The following SPIRE1 variants were observed in gnomAD, a reference collection of about 807,000 sequenced individuals.
The protein encoded by SPIRE1 is protein spire homolog 1.
A neutral mutation model predicts 94.1 loss-of-function variants in SPIRE1; 40 were observed. The ratio of observed to expected loss-of-function variants is 0.43; its 90% CI spans 0.33 to 0.55. SPIRE1 has a LOEUF of 0.55. SPIRE1 is among the 20% of genes least tolerant of loss of function. SPIRE1 has a pLI of 0.06. For missense variants in SPIRE1, 838 were observed against 975.2 expected (o/e 0.86, Z 1.87); for synonymous variants, 376 against 371.7 (o/e 1.01, Z -0.13).
chr18:12,561,232 T>C (rs139166049), intron 2 of SPIRE1, among the ~76,000 whole-genome samples: 226 of 152,280 alleles, frequency 1.5e-3, no homozygotes, highest in African/African-American at 5.2e-3. Flanking sequence ...ATTTAGGTTC[T>C]TCTTTTTAAA....
intron 1 of SPIRE1, among the ~76,000 whole-genome samples, chr18:12,648,474 T>C (rs982158893): frequency 2.0e-5 from 3 of 151,946 alleles, no homozygotes; most frequent in Non-Finnish European, 2.9e-5. Flanking sequence ...TTTTACAAAA[T>C]AGCTGACCAG....
chr18:12,529,593 C>G (rs1036146981), intron 4 of SPIRE1, among the ~76,000 whole-genome samples: 1 of 152,160 alleles, frequency 6.6e-6, no homozygotes. Flanking sequence ...ATCAGATAAT[C>G]AGAAATGACA....
chr18:12,461,562 T>TGGTATGTACGTACATAC (rs1568184229), intron 12 of SPIRE1, among the ~76,000 whole-genome samples: 2 of 136,820 alleles, frequency 1.5e-5, no homozygotes, highest in African/African-American at 6.1e-5. Context: ...TACATGCGTG[T>TGGTATGTACGTACATAC]ATATGTATGT....
intron 2 of SPIRE1, among the ~76,000 whole-genome samples, chr18:12,634,263 A>T (rs1401296716): frequency 3.9e-5 from 3 of 76,684 alleles, no homozygotes; most frequent in Non-Finnish European, 6.5e-5. Context: ...AAAAATAAAA[A>T]AAAAAAAAAA....
chr18:12,548,567 TAC>T (rs936512132), intron 2 of SPIRE1, among the ~76,000 whole-genome samples: 2 of 152,088 alleles, frequency 1.3e-5, no homozygotes, highest in African/African-American at 4.8e-5. Flanking sequence ...TCACTGGATT[TAC>T]AGTCTGACCT....
At chr18:12,524,992 A>AT (rs2034464310) in intron 4 of SPIRE1, among the ~76,000 whole-genome samples, 1 of 151,096 alleles carries the variant, frequency 6.6e-6, no homozygotes, top group Non-Finnish European at 1.5e-5. Context: ...AAAAAAAAAA[A>AT]GTGGCCAGGC....
intron 2 of SPIRE1, among the ~76,000 whole-genome samples, chr18:12,625,061 G>C (rs2037582517): frequency 6.6e-6 from 1 of 151,806 alleles, no homozygotes; most frequent in East Asian, 1.9e-4. Context: ...ACTGGGCGGG[G>C]GTGGGGGAAG....
chr18:12,586,154 A>AT (rs2036386071), intron 2 of SPIRE1, among the ~76,000 whole-genome samples: 1 of 152,076 alleles, frequency 6.6e-6, no homozygotes, highest in East Asian at 1.9e-4. Context: ...GGGTCTCATT[A>AT]TGTTGCCCAG....
rs993774593 is a variant in SPIRE1, at chr18:12,447,033, T to C, written c.*2605A>G. On this transcript the variant is annotated 3_prime_UTR_variant, in exon 17 of 17. Coordinates refer to ENST00000409402, the MANE Select transcript of SPIRE1 (RefSeq NM_001128626.2). The stretch of plus-strand genomic sequence containing the variant: ...AATGCCTTTCAAATATTAATAAATA[T>C]ATTACAGTATTTACAAGCATTCTTA... The C allele has an allele frequency of 6.6e-6, 1 of 152,246 alleles. No homozygotes were observed. Among genetic ancestry groups the C allele is most frequent in the Admixed American group, 6.5e-5 (1 of 15,276 alleles). The allele number at this position is 152,246 out of a possible 1,614,324, so 9.4% of individuals were successfully genotyped here. A position where few individuals can be genotyped will look rare whatever the true frequency, so the allele number is the denominator to read the frequency against.
At chr18:12,548,779 A>AT (rs923879584) in intron 2 of SPIRE1, among the ~76,000 whole-genome samples, 1 of 151,414 alleles carries the variant, frequency 6.6e-6, no homozygotes. Flanking sequence ...GGCCTGGCTA[A>AT]TTTTTTTTGG....
At chr18:12,497,867 G>A (rs1054855535) in intron 6 of SPIRE1, among the ~76,000 whole-genome samples, 2 of 152,198 alleles carry the variant, frequency 1.3e-5, no homozygotes, top group Non-Finnish European at 2.9e-5. Flanking sequence ...GAGCAGGAAT[G>A]AGAATGGATT....
intron 1 of SPIRE1, among the ~76,000 whole-genome samples, chr18:12,654,629 T>C (rs35744165): frequency 0.074 from 11,292 of 151,860 alleles, 592 homozygotes; most frequent in Non-Finnish European, 0.11. Flanking sequence ...CACTCCAGCC[T>C]GGGCGACTGA....
intron 1 of SPIRE1, among the ~76,000 whole-genome samples, chr18:12,644,021 CT>C (rs1396697340): frequency 1.8e-5 from 2 of 110,146 alleles, no homozygotes; most frequent in African/African-American, 3.4e-5. Context: ...TGGTGAAACC[CT>C]GTCTCAACCA....
intron 2 of SPIRE1, among the ~76,000 whole-genome samples, chr18:12,589,490 A>G (rs765114605): frequency 2.0e-5 from 3 of 152,214 alleles, no homozygotes; most frequent in Non-Finnish European, 2.9e-5. Flanking sequence ...ACACACAAGT[A>G]TCATCAACAG....
intron 2 of SPIRE1, among the ~76,000 whole-genome samples, chr18:12,594,041 T>C (rs2036606635): frequency 6.6e-6 from 1 of 151,930 alleles, no homozygotes; most frequent in Admixed American, 6.6e-5. Flanking sequence ...ATGCTGCCTA[T>C]GATGCACATT....
At chr18:12,659,830 C>A (rs2038659051), upstream of SPIRE1, among the ~76,000 whole-genome samples, 1 of 151,850 alleles carries the variant, frequency 6.6e-6, no homozygotes. Context: ...GTGCCAAAGC[C>A]CAGAGAGGCA....
intron 2 of SPIRE1, among the ~76,000 whole-genome samples, chr18:12,584,303 G>T (rs564334133): frequency 6.6e-6 from 1 of 151,836 alleles, no homozygotes; most frequent in Admixed American, 6.6e-5. Context: ...GGTGGTGCAC[G>T]CCTGTAGTCC....
chr18:12,529,237 C>T (rs552472715), intron 4 of SPIRE1, among the ~76,000 whole-genome samples: 36 of 152,158 alleles, frequency 2.4e-4, no homozygotes, highest in South Asian at 2.3e-3. Flanking sequence ...GACGTGGTGG[C>T]GGGCGCCTGT....
intron 13 of SPIRE1, among the ~76,000 whole-genome samples, 157 bp downstream of exon 13, chr18:12,454,189 G>A (rs1047033150): frequency 3.3e-5 from 5 of 152,130 alleles, no homozygotes; most frequent in Non-Finnish European, 5.9e-5. Flanking sequence ...TTGTGAACGA[G>A]ACAGCACATG....
Sources: gnomAD v4.1 joint callset for allele counts (sites outside exome capture counted in the v4.1 genomes callset) on GRCh38, gnomAD v4.1.1 for gene constraint, MANE v1.5 for transcripts, NCBI Gene and HGNC (gene_info 2026-07-23, HGNC 2026-07-21) for gene names.